The following DDX10 variants were observed in gnomAD, a reference collection of about 807,000 sequenced individuals.
DDX10 encodes probable ATP-dependent RNA helicase DDX10.
DDX10 carries 74 observed loss-of-function variants against 104.3 expected under a neutral mutation model. The ratio of observed to expected loss-of-function variants is 0.71; its 90% CI spans 0.59 to 0.86. The LOEUF (loss-of-function observed/expected upper bound fraction) is 0.86, where lower values mean the gene tolerates loss of function less well. Among genes scored for constraint, DDX10 ranks in the 40% least tolerant of loss-of-function variants. The pLI is 0.00. For synonymous variants in DDX10, 351 were observed against 353.4 expected, an observed-to-expected ratio of 0.99 and a Z score of 0.08; for missense variants, 952 against 1,040.0, an observed-to-expected ratio of 0.92 and a Z score of 1.16.
chr11:108,907,029 C>T (rs540124684), intron 16 of DDX10, among the ~76,000 whole-genome samples: 13 of 152,274 alleles, frequency 8.5e-5, no homozygotes, highest in East Asian at 1.9e-4. Context: ...TTCCAAGTTC[C>T]GAAGATCCTT....
intron 12 of DDX10, among the ~76,000 whole-genome samples, chr11:108,720,549 A>G (rs573207593): frequency 3.5e-4 from 53 of 152,246 alleles, no homozygotes; most frequent in African/African-American, 1.2e-3. Context: ...TTACTATTGT[A>G]TGAAACAGAA....
chr11:108,775,108 G>T (rs757521647), intron 13 of DDX10, among the ~76,000 whole-genome samples: 2 of 152,174 alleles, frequency 1.3e-5, no homozygotes, highest in Non-Finnish European at 2.9e-5. Flanking sequence ...TATTTAAATG[G>T]TTGGTATTGC....
At chr11:108,903,015 C>T (rs1174329466) in intron 16 of DDX10, among the ~76,000 whole-genome samples, 1 of 152,100 alleles carries the variant, frequency 6.6e-6, no homozygotes, top group African/African-American at 2.4e-5. Flanking sequence ...TACCATACAA[C>T]CCAGCAACTA....
chr11:108,859,276 A>G (rs1274087316), intron 16 of DDX10, among the ~76,000 whole-genome samples: 1 of 152,236 alleles, frequency 6.6e-6, no homozygotes, highest in Non-Finnish European at 1.5e-5. Context: ...AGACCAGATT[A>G]ATTTAAGGCA....
chr11:108,838,656 G>A lies in DDX10; in HGVS notation c.2085+91G>A, dbSNP rs562665759. On this transcript the variant is annotated intron_variant, in intron 14 of 17. Coordinates refer to ENST00000322536, the MANE Select transcript of DDX10 (RefSeq NM_004398.4). ...TTACTTAGCACTCATTAATGATAGAGTAAATGTTTCTCTACAGCATGCTGG... is the reference window on the plus strand; with the variant it reads ...TTACTTAGCACTCATTAATGATAGAATAAATGTTTCTCTACAGCATGCTGG... The A allele has an allele frequency of 1.3e-4, 180 of 1,400,020 alleles. No homozygotes were observed. The African/African-American group carries it at 2.3e-3, about 18-fold the overall frequency. The allele number at this position is 1,400,020 out of a possible 1,614,324, so 86.7% of individuals were successfully genotyped here.
intron 13 of DDX10, among the ~76,000 whole-genome samples, chr11:108,792,731 G>C (rs1861887998): frequency 6.6e-6 from 1 of 151,634 alleles, no homozygotes; most frequent in Admixed American, 6.6e-5. Context: ...GGCTATTCTA[G>C]GTTCTTTTCA....
intron 15 of DDX10, among the ~76,000 whole-genome samples, chr11:108,847,997 A>G (rs988265975): frequency 6.6e-6 from 1 of 152,200 alleles, no homozygotes; most frequent in African/African-American, 2.4e-5. Context: ...ACCTATTTCA[A>G]GCCATCAGAC....
chr11:108,841,569 T>C lies in DDX10; in HGVS notation c.2247+93T>C, dbSNP rs1457385148. On this transcript the variant is annotated intron_variant, in intron 15 of 17. Coordinates refer to ENST00000322536, the MANE Select transcript of DDX10 (RefSeq NM_004398.4). ...TAGCTATTCATTAATAAGTGTATTA[T>C]TTTCTTCATTGTTTTCTCTGACACT... The C allele has an allele frequency of 4.3e-6, 5 of 1,170,492 alleles. No individual in the cohort carries two copies. In the East Asian group the frequency reaches 7.7e-5, roughly 18 times the overall value. 72.5% of individuals were successfully genotyped at this position (1,170,492 alleles called of 1,614,324 possible).
At chr11:108,918,107 C>T in intron 17 of DDX10, 89 bp downstream of exon 17, 2 of 1,318,082 alleles carry the variant, frequency 1.5e-6, no homozygotes, top group Non-Finnish European at 2.2e-6. Flanking sequence ...AAGAGTTCTA[C>T]TCCAAGAGAT....
At chr11:108,869,242 T>A (rs1449713650) in intron 16 of DDX10, among the ~76,000 whole-genome samples, 22 of 151,978 alleles carry the variant, frequency 1.4e-4, no homozygotes. Flanking sequence ...CTTGTAAAAT[T>A]CCAGCCCATT....
intron 13 of DDX10, among the ~76,000 whole-genome samples, chr11:108,771,746 T>G (rs2134527482): frequency 6.6e-6 from 1 of 152,362 alleles, no homozygotes; most frequent in African/African-American, 2.4e-5. Context: ...AAATGGAGGC[T>G]ATAGCTTTAA....
Position 108,835,888 on chromosome 11 carries a change from G to A in DDX10, c.1966-2558G>A, listed in dbSNP as rs952444242. Among the ~76,000 whole-genome samples the A allele has an allele frequency of 2.0e-5, 3 of 152,130 alleles. No individual in the cohort carries two copies. The East Asian group carries it at 5.8e-4, about 29-fold the overall frequency. On this transcript the variant is annotated intron_variant, in intron 13 of 17. Coordinates refer to ENST00000322536, the MANE Select transcript of DDX10 (RefSeq NM_004398.4). ...AGCCTTTGATCGTTTGTTACTCCAT[G>A]TTGGGAGATGGGGGTTTTCCTTTGG...
At chr11:108,805,522 C>G (rs545583192) in intron 13 of DDX10, among the ~76,000 whole-genome samples, 1 of 152,280 alleles carries the variant, frequency 6.6e-6, no homozygotes, top group South Asian at 2.1e-4. Context: ...TTTCAGATTT[C>G]TCAATAAGTT....
In DDX10 at chr11:108,775,449, A is replaced by G. The variant is rs150540751; in HGVS notation, c.1965+51987A>G. Among the ~76,000 whole-genome samples, 504 of 152,298 alleles carry G rather than the reference A, an allele frequency of 3.3e-3. 1 individual carries two copies. The highest frequency in any genetic ancestry group is 0.011 in the African/African-American group (474 of 41,568). ...GTGATGAGCTAACTGAAAAGAGTGGAAAGGAAGAATTTATGCTAAGCCTTG... is the reference window on the plus strand; with the variant it reads ...GTGATGAGCTAACTGAAAAGAGTGGGAAGGAAGAATTTATGCTAAGCCTTG... On this transcript the variant is annotated intron_variant, in intron 13 of 17. Coordinates refer to ENST00000322536, the MANE Select transcript of DDX10 (RefSeq NM_004398.4).
intron 16 of DDX10, among the ~76,000 whole-genome samples, chr11:108,916,157 A>G (rs569182632): frequency 1.3e-5 from 2 of 152,224 alleles, no homozygotes; most frequent in African/African-American, 4.8e-5. Flanking sequence ...CCTGAGACCA[A>G]AAAGTTTAGA....
intron 6 of DDX10, among the ~76,000 whole-genome samples, chr11:108,684,083 G>A (rs2094239296): frequency 8.0e-6 from 1 of 125,604 alleles, no homozygotes. Context: ...ATGCATTTTA[G>A]TAATCTTTGG....
chr11:108,867,291 A>C (rs887457354), intron 16 of DDX10, among the ~76,000 whole-genome samples: 3 of 152,136 alleles, frequency 2.0e-5, no homozygotes, highest in Non-Finnish European at 4.4e-5. Flanking sequence ...AGAAGTAGGA[A>C]TGTGTGCTTA....
chr11:108,879,067 G>A (rs570480858), intron 16 of DDX10, among the ~76,000 whole-genome samples: 17 of 152,138 alleles, frequency 1.1e-4, no homozygotes, highest in East Asian at 1.9e-4. Context: ...GCAGTGGCGC[G>A]ATCTCGGCTC....
intron 13 of DDX10, among the ~76,000 whole-genome samples, chr11:108,724,406 A>C (rs1591801789): frequency 6.6e-6 from 1 of 152,100 alleles, no homozygotes; most frequent in East Asian, 1.9e-4. Flanking sequence ...CTCATTATAC[A>C]GGTGACGGAA....
Sources: allele counts gnomAD v4.1 joint callset (sites outside exome capture counted in the v4.1 genomes callset), GRCh38; gene constraint gnomAD v4.1.1; transcripts MANE v1.5; gene names NCBI Gene and HGNC (gene_info 2026-07-23, HGNC 2026-07-21).